The following P2RX7 variants were observed in gnomAD, a reference collection of about 807,000 sequenced individuals.
P2RX7 encodes the protein P2X purinoceptor 7.
A neutral mutation model predicts 71.6 loss-of-function variants in P2RX7; 62 were observed. The ratio of observed to expected loss-of-function variants is 0.87; its 90% confidence interval spans 0.71 to 1.07. The LOEUF is 1.07. P2RX7 is among the 50% of genes least tolerant of loss of function. P2RX7 has a pLI of 0.00. For missense variants in P2RX7, 686 were observed against 748.5 expected, an observed-to-expected ratio of 0.92 and a Z score of 0.97; for synonymous variants, 299 against 283.3, an observed-to-expected ratio of 1.06 and a Z score of -0.56.
chr12:121,171,237 C>T (rs1344482876), intron 8 of P2RX7, among the ~76,000 whole-genome samples: 2 of 152,118 alleles, frequency 1.3e-5, no homozygotes, highest in African/African-American at 4.8e-5. Flanking sequence ...CGGGAGGGTC[C>T]TCTCTTGCCT....
In P2RX7 at chr12:121,154,521, G is replaced by A. The variant is rs1490380829; in HGVS notation, c.126-264G>A. ...GGGAATATTAAAGAATAGGATTGGGGGCAGTAGCTTTCCTGTAGCAAGTGC... is the reference window on the plus strand; with the variant it reads ...GGGAATATTAAAGAATAGGATTGGGAGCAGTAGCTTTCCTGTAGCAAGTGC... On this transcript the variant is annotated intron_variant, in intron 1 of 12. Coordinates refer to ENST00000328963, the MANE Select transcript of P2RX7 (RefSeq NM_002562.6). This position sits in a 1 kb window ranked among gnomAD's most constrained non-coding sequence, Gnocchi z 4.2. 6.6e-6 allele frequency among the ~76,000 whole-genome samples: 1 copy of A among 152,096 alleles called. No homozygotes were observed. Among genetic ancestry groups the A allele is most frequent in the Non-Finnish European group, 1.5e-5 (1 of 68,016 alleles).
Position 121,167,554 on chromosome 12 carries a change from C to T in P2RX7, c.811C>T (p.Pro271Ser). The T allele has an allele frequency of 6.2e-7, 1 of 1,613,420 alleles. No homozygotes were observed. The highest frequency in any genetic ancestry group is 1.1e-5 in the South Asian group (1 of 91,008). The change falls in exon 8 of 13, where the codon CCC becomes TCC. Residue 271 changes from proline to serine, a missense_variant. Pro to Ser is a moderately conservative substitution (Grantham distance 74, BLOSUM62 -1). Coordinates refer to ENST00000328963, the MANE Select transcript of P2RX7 (RefSeq NM_002562.6). ...NLDRWFHHCR[P>S]KYSFRRLDDK... ...AGACCGTTGGTTCCATCACTGCCGTCCCAAATACAGTTTCCGTCGCCTTGA... is the reference window on the plus strand; with the variant it reads ...AGACCGTTGGTTCCATCACTGCCGTTCCAAATACAGTTTCCGTCGCCTTGA...
At chr12:121,136,023 A>AAAAAAAAAATATAT in intron 1 of P2RX7, among the ~76,000 whole-genome samples, 27 of 15,260 alleles carry the variant, frequency 1.8e-3, no homozygotes, top group African/African-American at 3.2e-3. Flanking sequence ...AAAAAAAAAA[A>AAAAAAAAAATATAT]ATATATATAT....
At chr12:121,157,367 A>G (rs1878783064) in intron 3 of P2RX7, among the ~76,000 whole-genome samples, 1 of 152,204 alleles carries the variant, frequency 6.6e-6, no homozygotes, top group African/African-American at 2.4e-5. Flanking sequence ...TTGTACCCAA[A>G]TTCAGAACCA....
intron 11 of P2RX7, among the ~76,000 whole-genome samples, chr12:121,179,422 C>A (rs1320458351): frequency 6.6e-6 from 1 of 151,594 alleles, no homozygotes; most frequent in East Asian, 1.9e-4. Context: ...ATCGCTTGAA[C>A]CCAGGAGGTG....
intron 1 of P2RX7, among the ~76,000 whole-genome samples, chr12:121,152,439 C>T (rs1331335866): frequency 6.6e-6 from 1 of 152,170 alleles, no homozygotes; most frequent in African/African-American, 2.4e-5. Flanking sequence ...AGCAATCCTC[C>T]CACTGTGGCC....
At chr12:121,145,490 C>CCTTT (rs113813054) in intron 1 of P2RX7, among the ~76,000 whole-genome samples, 5,290 of 151,000 alleles carry the variant, frequency 0.035, 289 homozygotes, top group African/African-American at 0.12. Flanking sequence ...GATGACTCGC[C>CCTTT]CTTTCTTTCT....
Position 121,184,927 on chromosome 12 carries a change from A to C in P2RX7, c.*125A>C. The stretch of plus-strand genomic sequence containing the variant: ...AGGCGAAATCCTGTCTGTACTAAAA[A>C]TACAAAAATCAGCCAGACATGGTGG... On this transcript the variant is annotated 3_prime_UTR_variant, in exon 13 of 13. Transcript: ENST00000328963. 1 of 737,618 alleles carries C rather than the reference A, an allele frequency of 1.4e-6. No individual in the cohort carries two copies. Among genetic ancestry groups the C allele is most frequent in the Non-Finnish European group, 2.2e-6 (1 of 458,764 alleles). The allele number at this position is 737,618 out of a possible 1,614,324, so 45.7% of individuals were successfully genotyped here. A position where few individuals can be genotyped will look rare whatever the true frequency, so the allele number is the denominator to read the frequency against.
rs1437077152 is a variant in P2RX7, at chr12:121,154,151, G to A, written c.126-634G>A. On this transcript the variant is annotated intron_variant, in intron 1 of 12. Transcript: ENST00000328963. The surrounding 1 kb of genome is among the most constrained non-coding windows in gnomAD (Gnocchi z 4.2). ...AATAAAAAAAAAAGAGAGGCTGGGC[G>A]CAGTGGCTCACACCTGTAATCCCAG... Among the ~76,000 whole-genome samples, 6 of 151,782 alleles carry A rather than the reference G, an allele frequency of 4.0e-5. No homozygotes were observed. The highest frequency in any genetic ancestry group is 3.9e-4 in the East Asian group (2 of 5,150).
At chr12:121,163,104 T>C (rs1880106175) in intron 5 of P2RX7, among the ~76,000 whole-genome samples, 1 of 152,160 alleles carries the variant, frequency 6.6e-6, no homozygotes, top group Non-Finnish European at 1.5e-5. Context: ...CAAGGGCTGA[T>C]GTATTTCAGC....
intron 9 of P2RX7, 29 bp downstream of exon 9, chr12:121,175,507 C>T (rs74550515): frequency 1.8e-5 from 17 of 962,874 alleles, no homozygotes; most frequent in East Asian, 2.4e-5. Flanking sequence ...CTCCGGGCAC[C>T]GGCATCCTAT....
Position 121,154,763 on chromosome 12 carries a change from C to T in P2RX7, c.126-22C>T. 6.5e-7 allele frequency: 1 copy of T among 1,548,456 alleles called. No individual in the cohort carries two copies. Among genetic ancestry groups the T allele is most frequent in the Non-Finnish European group, 8.9e-7 (1 of 1,120,068 alleles). On this transcript the variant is annotated intron_variant, in intron 1 of 12. Transcript: ENST00000328963. This position sits in a 1 kb window ranked among gnomAD's most constrained non-coding sequence, Gnocchi z 4.2. ...CGCTGTGCTATGCCTCCCGTTGATG[C>T]TTTCCCATGTCTGCCATTTAGCTTT...
Position 121,154,048 on chromosome 12 carries a change from G to A in P2RX7, c.126-737G>A, listed in dbSNP as rs550195588. On this transcript the variant is annotated intron_variant, in intron 1 of 12. Coordinates refer to ENST00000328963, the MANE Select transcript of P2RX7 (RefSeq NM_002562.6). The surrounding 1 kb of genome is among the most constrained non-coding windows in gnomAD (Gnocchi z 4.2). ...GAGGTGGGAGGATCAACTTGAGCTC[G>A]GGAGTTGGAGGCTGCAGTGAGCTAC... 2.3e-4 allele frequency among the ~76,000 whole-genome samples: 35 copies of A among 152,078 alleles called. No homozygotes were observed. The highest frequency in any genetic ancestry group is 6.6e-4 in the Admixed American group (10 of 15,260).
At chr12:121,166,290 A>C in intron 7 of P2RX7, 103 bp downstream of exon 7, 5 of 1,246,532 alleles carry the variant, frequency 4.0e-6, no homozygotes, top group Non-Finnish European at 5.6e-6. Flanking sequence ...AATGTGGCTC[A>C]CATTTACTGA....
At chr12:121,160,452 C>T (rs1879446060) in intron 3 of P2RX7, among the ~76,000 whole-genome samples, 1 of 152,146 alleles carries the variant, frequency 6.6e-6, no homozygotes, top group Non-Finnish European at 1.5e-5. Flanking sequence ...GCCCAGCCCC[C>T]AGAACATTTT....
intron 12 of P2RX7, among the ~76,000 whole-genome samples, chr12:121,180,684 T>C (rs1348689408): frequency 6.6e-6 from 1 of 152,070 alleles, no homozygotes; most frequent in Non-Finnish European, 1.5e-5. Flanking sequence ...AAAATTTGGC[T>C]GGGCACGGTG....
At chr12:121,169,902 ACCCTTACATGGTGG>A (rs1881831753) in intron 8 of P2RX7, among the ~76,000 whole-genome samples, 1 of 151,532 alleles carries the variant, frequency 6.6e-6, no homozygotes, top group South Asian at 2.1e-4. Flanking sequence ...ACAGAGTGAG[ACCCTTACATGGTGG>A]CCACTGGCTG....
intron 1 of P2RX7, among the ~76,000 whole-genome samples, chr12:121,143,235 A>T (rs936769172): frequency 6.6e-6 from 1 of 151,328 alleles, no homozygotes; most frequent in African/African-American, 2.4e-5. Context: ...AAAAAAAAAA[A>T]ATACAAAAAT....
chr12:121,187,283 T>C lies in P2RX7; in HGVS notation c.*2481T>C, dbSNP rs1043901884. ...AACCAGCAGCTTTCTACTATATTCA[T>C]GTAAGACAGCATGAATAAAACCATT... On this transcript the variant is annotated 3_prime_UTR_variant, in exon 13 of 13. Transcript: ENST00000328963. 2 of 152,234 alleles carry C rather than the reference T, an allele frequency of 1.3e-5. No individual in the cohort carries two copies. Among genetic ancestry groups the C allele is most frequent in the African/African-American group, 2.4e-5 (1 of 41,458 alleles). 9.4% of individuals were successfully genotyped at this position (152,234 alleles called of 1,614,324 possible). A position where few individuals can be genotyped will look rare whatever the true frequency, so the allele number is the denominator to read the frequency against.
Sources: allele counts gnomAD v4.1 joint callset (sites outside exome capture counted in the v4.1 genomes callset), GRCh38; gene constraint gnomAD v4.1.1; non-coding constraint Gnocchi (gnomAD v3.1); transcripts MANE v1.5; gene names NCBI Gene and HGNC (gene_info 2026-07-23, HGNC 2026-07-21).